Variants in KCNIP4 observed in about 807,000 individuals in gnomAD.
The protein encoded by KCNIP4 is Kv channel-interacting protein 4.
A neutral mutation model predicts 34.0 loss-of-function variants in KCNIP4; 12 were observed. The ratio of observed to expected loss-of-function variants is 0.35; its 90% confidence interval spans 0.23 to 0.57. KCNIP4 has a LOEUF of 0.57. Ranked by LOEUF, KCNIP4 falls within the 20% of genes least tolerant of loss-of-function variation. The pLI is 0.83. For synonymous variants in KCNIP4, 124 were observed against 102.2 expected (o/e 1.21, Z -1.29); for missense variants, 238 against 311.7 (o/e 0.76, Z 1.78).
At chr4:20,789,250 A>G (rs1712413888) in intron 3 of KCNIP4, among the ~76,000 whole-genome samples, 1 of 152,154 alleles carries the variant, frequency 6.6e-6, no homozygotes, top group African/African-American at 2.4e-5. Context: ...AATGTCACCA[A>G]CATTTTAAAA....
At chr4:20,814,509 C>T (rs557043041) in intron 3 of KCNIP4, among the ~76,000 whole-genome samples, 10 of 152,280 alleles carry the variant, frequency 6.6e-5, no homozygotes, top group African/African-American at 1.2e-4. Flanking sequence ...AGGTGCTAGA[C>T]GTTCCTGGGT....
chr4:21,060,068 T>C (rs1743779319), intron 1 of KCNIP4, among the ~76,000 whole-genome samples: 2 of 152,150 alleles, frequency 1.3e-5, no homozygotes, highest in Admixed American at 1.3e-4. Context: ...CATAAAATGA[T>C]AAAAATTTTG....
intron 1 of KCNIP4, among the ~76,000 whole-genome samples, chr4:20,979,402 T>C (rs946040202): frequency 2.0e-5 from 3 of 148,294 alleles, no homozygotes; most frequent in Non-Finnish European, 4.5e-5. Context: ...TTTCTTTCTT[T>C]TTTTTTTTTT....
intron 4 of KCNIP4, among the ~76,000 whole-genome samples, chr4:20,755,091 A>G (rs1754274881): frequency 6.6e-6 from 1 of 152,154 alleles, no homozygotes; most frequent in Non-Finnish European, 1.5e-5. Context: ...TATTACCAAT[A>G]CCTGTCTGTG....
chr4:21,042,494 T>C (rs1742054472), intron 1 of KCNIP4, among the ~76,000 whole-genome samples: 1 of 151,898 alleles, frequency 6.6e-6, no homozygotes. Context: ...TTCATAGAAG[T>C]AGAGAGCAGA....
intron 1 of KCNIP4, among the ~76,000 whole-genome samples, chr4:21,670,947 C>T (rs982244466): frequency 1.5e-4 from 22 of 151,516 alleles, no homozygotes; most frequent in East Asian, 1.9e-4. Context: ...TGAGCCACCG[C>T]GCCGGGCTGA....
intron 1 of KCNIP4, chr4:21,729,734 G>T (rs1236024889): frequency 3.0e-5 from 4 of 135,106 alleles, no homozygotes; most frequent in Admixed American, 1.5e-4. Flanking sequence ...AAGAAACTAA[G>T]TTGACAGTTT....
intron 1 of KCNIP4, among the ~76,000 whole-genome samples, chr4:21,812,331 C>A (rs1440025057): frequency 6.6e-6 from 1 of 151,980 alleles, no homozygotes; most frequent in Non-Finnish European, 1.5e-5. Flanking sequence ...CCCTCCAGAA[C>A]AAATGTAATG....
chr4:20,968,014 T>C (rs1734544273), intron 1 of KCNIP4, among the ~76,000 whole-genome samples: 1 of 151,776 alleles, frequency 6.6e-6, no homozygotes, highest in Admixed American at 6.6e-5. Flanking sequence ...CGGGAGAAAA[T>C]TTTTGCAATC....
At chr4:21,353,408 T>C (rs777092066) in intron 1 of KCNIP4, among the ~76,000 whole-genome samples, 14 of 152,174 alleles carry the variant, frequency 9.2e-5, no homozygotes, top group Non-Finnish European at 1.9e-4. Context: ...GAAAAAAGGT[T>C]AGATGAATGG....
chr4:21,065,031 A>G (rs1744228456), intron 1 of KCNIP4, among the ~76,000 whole-genome samples: 2 of 152,206 alleles, frequency 1.3e-5, no homozygotes, highest in African/African-American at 4.8e-5. Flanking sequence ...ACTATCACTT[A>G]TGCATTCTCC....
intron 1 of KCNIP4, among the ~76,000 whole-genome samples, chr4:21,744,436 C>T (rs910738662): frequency 1.3e-5 from 2 of 152,158 alleles, no homozygotes; most frequent in Non-Finnish European, 2.9e-5. Context: ...ACATTAATAT[C>T]CAGAGGTGAG....
In KCNIP4 at chr4:21,500,241, T is replaced by G. The variant is rs1228565923; in HGVS notation, c.61+448330A>C. Among the ~76,000 whole-genome samples the G allele has an allele frequency of 8.5e-5, 13 of 152,302 alleles. No homozygotes were observed. In the South Asian group the frequency reaches 2.5e-3, roughly 29 times the overall value. On this transcript the variant is annotated intron_variant, in intron 1 of 8. Transcript: ENST00000382152. ...TTTATTCATCTCGAAAATGCATGTT[T>G]TTTTGAAGCCATCATGGAAACCAAG...
intron 1 of KCNIP4, among the ~76,000 whole-genome samples, chr4:21,780,044 A>C (rs2109210787): frequency 6.6e-6 from 1 of 152,282 alleles, no homozygotes; most frequent in South Asian, 2.1e-4. Context: ...CTTAGTAAAT[A>C]TTATGAAGAC....
At chr4:20,753,899 C>G (rs1754062891) in intron 4 of KCNIP4, among the ~76,000 whole-genome samples, 1 of 92,994 alleles carries the variant, frequency 1.1e-5, no homozygotes, top group Admixed American at 1.4e-4. Flanking sequence ...CTGACTTGAG[C>G]TCATTTGTTC....
chr4:21,244,233 G>T (rs1760044459), intron 1 of KCNIP4, among the ~76,000 whole-genome samples: 1 of 152,134 alleles, frequency 6.6e-6, no homozygotes, highest in Admixed American at 6.5e-5. Context: ...AATTGGGATA[G>T]TCATCACCCC....
At chr4:21,439,967 C>T (rs1727312265) in intron 1 of KCNIP4, among the ~76,000 whole-genome samples, 1 of 152,192 alleles carries the variant, frequency 6.6e-6, no homozygotes, top group Non-Finnish European at 1.5e-5. Context: ...GTGAATACTT[C>T]TAACTCTCAC....
chr4:20,984,691 C>A (rs1736417261), intron 1 of KCNIP4, among the ~76,000 whole-genome samples: 2 of 152,166 alleles, frequency 1.3e-5, no homozygotes, highest in African/African-American at 2.4e-5. Flanking sequence ...TTGATTTAGT[C>A]CTTATATTAT....
chr4:21,621,087 T>C (rs2109176295), intron 1 of KCNIP4, among the ~76,000 whole-genome samples: 1 of 152,290 alleles, frequency 6.6e-6, no homozygotes, highest in African/African-American at 2.4e-5. Flanking sequence ...ATGCCTACAA[T>C]GGATGTGAAG....
Sources: gnomAD v4.1 joint callset for allele counts (sites outside exome capture counted in the v4.1 genomes callset) on GRCh38, gnomAD v4.1.1 for gene constraint, MANE v1.5 for transcripts, NCBI Gene and HGNC (gene_info 2026-07-23, HGNC 2026-07-21) for gene names.